The following ULK4 variants were observed in gnomAD, a reference collection of about 807,000 sequenced individuals.
The protein encoded by ULK4 is inactive serine/threonine-protein kinase ULK4.
ULK4 carries 133 observed loss-of-function variants against 160.6 expected under a neutral mutation model. That is an observed-to-expected ratio of 0.83 (90% CI 0.72 to 0.96). The LOEUF (loss-of-function observed/expected upper bound fraction) is 0.96. Ranked by LOEUF, ULK4 falls within the 40% of genes least tolerant of loss-of-function variation. The pLI is 0.00. For missense variants in ULK4, 1,580 were observed against 1,499.5 expected (o/e 1.05, Z -0.89); for synonymous variants, 534 against 539.8 (o/e 0.99, Z 0.15).
intron 21 of ULK4, among the ~76,000 whole-genome samples, chr3:41,781,025 A>G (rs1382963652): frequency 2.0e-5 from 3 of 152,146 alleles, no homozygotes; most frequent in Non-Finnish European, 4.4e-5. Flanking sequence ...AGGCAGAAAG[A>G]GAGATTTATA....
intron 35 of ULK4, among the ~76,000 whole-genome samples, chr3:41,369,600 C>A (rs1266627279): frequency 2.6e-5 from 4 of 151,814 alleles, no homozygotes; most frequent in Admixed American, 2.6e-4. Context: ...CGAGACCATC[C>A]TGGCCAACAT....
intron 32 of ULK4, among the ~76,000 whole-genome samples, chr3:41,522,951 G>A (rs374061923): frequency 2.0e-5 from 3 of 152,094 alleles, no homozygotes; most frequent in Admixed American, 6.5e-5. Context: ...TTGCTCTATC[G>A]CCCAGGCTGG....
chr3:41,409,089 C>A (rs961806490), intron 34 of ULK4, among the ~76,000 whole-genome samples: 1 of 151,990 alleles, frequency 6.6e-6, no homozygotes, highest in Non-Finnish European at 1.5e-5. Context: ...AACCCCATCT[C>A]TACAAAAAAT....
At chr3:41,494,667 G>T (rs373019415) in intron 32 of ULK4, among the ~76,000 whole-genome samples, 1 of 151,678 alleles carries the variant, frequency 6.6e-6, no homozygotes, top group Non-Finnish European at 1.5e-5. Flanking sequence ...ACATGATTGT[G>T]TATCTAGAAA....
intron 21 of ULK4, among the ~76,000 whole-genome samples, chr3:41,770,804 T>C (rs1332248759): frequency 6.6e-6 from 1 of 152,206 alleles, no homozygotes; most frequent in Admixed American, 6.5e-5. Context: ...TGAGCCAAGA[T>C]GCCCAGCCAG....
intron 30 of ULK4, among the ~76,000 whole-genome samples, chr3:41,642,678 G>A (rs1304728026): frequency 1.3e-5 from 2 of 152,202 alleles, no homozygotes; most frequent in African/African-American, 2.4e-5. Flanking sequence ...ATAGCAGCAT[G>A]ATTTATAGTC....
intron 35 of ULK4, among the ~76,000 whole-genome samples, chr3:41,278,369 T>C (rs920407015): frequency 2.0e-5 from 3 of 152,198 alleles, no homozygotes; most frequent in South Asian, 2.1e-4. Context: ...GGGCAGGGCA[T>C]AGCTGAACAA....
chr3:41,721,362 A>ATATATTTT (rs1553639902), intron 22 of ULK4, among the ~76,000 whole-genome samples: 4 of 27,934 alleles, frequency 1.4e-4, no homozygotes, highest in Admixed American at 6.7e-4. Context: ...ATATATATAT[A>ATATATTTT]TTTTTTTTTT....
intron 32 of ULK4, among the ~76,000 whole-genome samples, chr3:41,470,135 T>G (rs1007767998): frequency 8.0e-5 from 12 of 150,606 alleles, no homozygotes; most frequent in Non-Finnish European, 1.3e-4. Context: ...CACAGAGGTC[T>G]CCAATCAAAG....
chr3:41,471,064 A>AC (rs1383438433), intron 32 of ULK4, among the ~76,000 whole-genome samples: 1 of 151,846 alleles, frequency 6.6e-6, no homozygotes, highest in Non-Finnish European at 1.5e-5. Context: ...CAGAACAAAA[A>AC]ACCACAAAAC....
At chr3:41,813,122 G>C (rs1348641273) in intron 19 of ULK4, among the ~76,000 whole-genome samples, 1 of 152,156 alleles carries the variant, frequency 6.6e-6, no homozygotes, top group Non-Finnish European at 1.5e-5. Context: ...CATGGACCCA[G>C]GAAGGGGAAC....
chr3:41,869,876 A>G (rs1440816074), intron 17 of ULK4, among the ~76,000 whole-genome samples: 1 of 152,200 alleles, frequency 6.6e-6, no homozygotes, highest in Non-Finnish European at 1.5e-5. Context: ...AGAAAAACTC[A>G]CTTTAACATT....
intron 34 of ULK4, among the ~76,000 whole-genome samples, chr3:41,399,951 T>G (rs571828297): frequency 6.6e-6 from 1 of 152,182 alleles, no homozygotes; most frequent in African/African-American, 2.4e-5. Context: ...GCTTTTTACT[T>G]TGAGGTCTTC....
chr3:41,857,088 G>T (rs956302932), intron 17 of ULK4, among the ~76,000 whole-genome samples: 3 of 152,096 alleles, frequency 2.0e-5, no homozygotes, highest in African/African-American at 7.2e-5. Flanking sequence ...CCCTCAAAGA[G>T]ATCCAACCCC....
chr3:41,785,009 A>G (rs1166319132), intron 21 of ULK4, among the ~76,000 whole-genome samples: 2 of 152,244 alleles, frequency 1.3e-5, no homozygotes, highest in African/African-American at 4.8e-5. Context: ...ACTGCTGGAT[A>G]AATTACAAAT....
chr3:41,743,072 A>C (rs1383784738), intron 22 of ULK4, among the ~76,000 whole-genome samples: 1 of 151,866 alleles, frequency 6.6e-6, no homozygotes, highest in Non-Finnish European at 1.5e-5. Context: ...AATCATGCCC[A>C]AAAAATATCC....
intron 20 of ULK4, among the ~76,000 whole-genome samples, chr3:41,798,457 AAT>A (rs2040363856): frequency 6.6e-6 from 1 of 152,214 alleles, no homozygotes; most frequent in Non-Finnish European, 1.5e-5. Flanking sequence ...GTGTATAATC[AAT>A]GTTATATATC....
chr3:41,717,995 T>G, intron 22 of ULK4, 134 bp from the exon 23 acceptor site: 1 of 1,051,860 alleles, frequency 9.5e-7, no homozygotes, highest in African/African-American at 1.6e-5. Context: ...TGTAGCAACT[T>G]GTCGGGCACA....
At chr3:41,892,993 A>T (rs569606341) in intron 16 of ULK4, among the ~76,000 whole-genome samples, 2 of 152,192 alleles carry the variant, frequency 1.3e-5, no homozygotes, top group South Asian at 4.1e-4. Flanking sequence ...CCCTAGCAAC[A>T]CTCATTGTCT....
Sources: gnomAD v4.1 joint callset for allele counts (sites outside exome capture counted in the v4.1 genomes callset) on GRCh38, gnomAD v4.1.1 for gene constraint, MANE v1.5 for transcripts, NCBI Gene and HGNC (gene_info 2026-07-23, HGNC 2026-07-21) for gene names.